Variants in CHD8 observed in about 807,000 individuals in gnomAD.
CHD8 encodes the protein chromodomain helicase DNA binding protein 8.
In CHD8, 31 loss-of-function variants were observed where a neutral mutation model predicts 279.2. The ratio of observed to expected loss-of-function variants is 0.11; its 90% CI spans 0.08 to 0.15. The LOEUF is 0.15. Ranked by LOEUF, CHD8 falls within the 10% of genes least tolerant of loss-of-function variation. The pLI is 1.00. For missense variants in CHD8, 2,146 were observed against 3,230.5 expected (o/e 0.66, Z 8.14); for synonymous variants, 1,081 against 1,139.6 (o/e 0.95, Z 1.04).
At chr14:21,407,103 T>G in intron 13 of CHD8, 71 bp from the exon 14 acceptor site, 5 of 1,308,100 alleles carry the variant, frequency 3.8e-6, no homozygotes, top group Non-Finnish European at 5.2e-6. Flanking sequence ...CTGAATTACT[T>G]GCCTATATTA....
intron 1 of CHD8, among the ~76,000 whole-genome samples, chr14:21,451,521 G>A (rs1442505839): frequency 1.5e-5 from 2 of 135,010 alleles, no homozygotes; most frequent in East Asian, 2.2e-4. Flanking sequence ...GTGCTGAGCC[G>A]AGATCGCTCC....
chr14:21,407,568 C>G (rs1189784472), intron 13 of CHD8, among the ~76,000 whole-genome samples: 1 of 151,984 alleles, frequency 6.6e-6, no homozygotes, highest in African/African-American at 2.4e-5. Flanking sequence ...ATGGATAATT[C>G]CAATTTTGTT....
intron 1 of CHD8, among the ~76,000 whole-genome samples, chr14:21,453,926 C>T (rs1454706544): frequency 6.6e-6 from 1 of 151,262 alleles, no homozygotes; most frequent in Non-Finnish European, 1.5e-5. Context: ...GAGGCCGAGG[C>T]GGGAGGATCA....
chr14:21,394,967 G>A lies in CHD8; in HGVS notation c.5335C>T (p.Arg1779Cys), dbSNP rs1367453709. 5 of 1,613,840 alleles carry A rather than the reference G, an allele frequency of 3.1e-6. No homozygotes were observed. The highest frequency in any genetic ancestry group is 4.2e-6 in the Non-Finnish European group (5 of 1,179,906). Residue 1779 changes from arginine to cysteine, a missense_variant, in exon 30 of 38, where the codon CGT (arginine) becomes TGT (cysteine). By Grantham distance (180) the Arg-to-Cys change is radical (BLOSUM62 -3). Around this residue, in one of 26 missense-constraint regions of CHD8, gnomAD observed 513 missense variants for 637.6 expected, o/e 0.80. Coordinates refer to ENST00000646647, the MANE Select transcript of CHD8 (RefSeq NM_001170629.2). ...AAERGDRRRR[R>C]CEAAFKLKEI... is the part of the protein sequence containing the mutation. ...TTCAGCTTGAAGGCTGCTTCACAACGCCGCCTTCGCCGGTCCCCACGTTCT... is the reference window on the plus strand; with the variant it reads ...TTCAGCTTGAAGGCTGCTTCACAACACCGCCTTCGCCGGTCCCCACGTTCT...
chr14:21,415,244 C>T, intron 7 of CHD8: 1 of 469,838 alleles, frequency 2.1e-6, no homozygotes, highest in Non-Finnish European at 3.7e-6. Context: ...GCTAACTTTC[C>T]TCCATCATCT....
Position 21,408,285 on chromosome 14 carries a change from A to T in CHD8, c.2730+27T>A. On this transcript the variant is annotated intron_variant, in intron 13 of 37. Transcript: ENST00000646647. This position sits in a 1 kb window ranked among gnomAD's most constrained non-coding sequence, Gnocchi z 4.3. The stretch of plus-strand genomic sequence containing the variant: ...TACCTTGGCCGACTTTCTCTAACTC[A>T]TAGTATTCCCAAGACATGCAACTCA... 3.1e-6 allele frequency: 5 copies of T among 1,603,030 alleles called. 1 individual carries two copies. The highest frequency in any genetic ancestry group is 4.3e-6 in the Non-Finnish European group (5 of 1,174,538).
At chr14:21,445,575 G>A (rs1361830874) in intron 1 of CHD8, among the ~76,000 whole-genome samples, 2 of 151,386 alleles carry the variant, frequency 1.3e-5, no homozygotes, top group Non-Finnish European at 2.9e-5. Context: ...TGTAATCCCA[G>A]CTACCTGGGA....
rs1052311029 is a variant in CHD8 at position 21,400,107 on chromosome 14, T to C, written c.4728-37A>G. The C allele has an allele frequency of 6.2e-7, 1 of 1,613,270 alleles. No homozygotes were observed. The highest frequency in any genetic ancestry group is 8.5e-7 in the Non-Finnish European group (1 of 1,179,426). ...AGAGGAAGAGCTGGCTCAGTAACAC[T>C]GTAGAAGTTTGAGGTGGAAAATGTC... is the stretch of plus-strand genomic sequence containing the variant. On this transcript the variant is annotated intron_variant, in intron 24 of 37. Transcript: ENST00000646647. This position sits in a 1 kb window ranked among gnomAD's most constrained non-coding sequence, Gnocchi z 4.2.
rs1296832502 is a variant in CHD8, at chr14:21,408,867, T to C, written c.2365-42A>G. 2 of 1,580,760 alleles carry C rather than the reference T, an allele frequency of 1.3e-6. No individual in the cohort carries two copies. The highest frequency in any genetic ancestry group is 4.5e-5 in the East Asian group (2 of 44,050). On this transcript the variant is annotated intron_variant, in intron 11 of 37. Coordinates refer to ENST00000646647, the MANE Select transcript of CHD8 (RefSeq NM_001170629.2). The surrounding 1 kb of genome is among the most constrained non-coding windows in gnomAD (Gnocchi z 4.3). ...TTGAATAAATGGAGTGGAGACATTA[T>C]CAAAAGGTAAGACTTACTAGGTAAG...
At chr14:21,443,182 G>C (rs1047690356) in intron 1 of CHD8, among the ~76,000 whole-genome samples, 2 of 152,046 alleles carry the variant, frequency 1.3e-5, no homozygotes, top group Admixed American at 6.6e-5. Context: ...ACCAGGTCAG[G>C]AGATTGAGAC....
chr14:21,406,973 A>G lies in CHD8; in HGVS notation c.2790T>C (p.Ile930=). 6.2e-7 allele frequency: 1 copy of G among 1,606,718 alleles called. No homozygotes were observed. Among genetic ancestry groups the G allele is most frequent in the African/African-American group, 1.3e-5 (1 of 74,960 alleles). The change falls in exon 14 of 38, where the codon ATT becomes ATC. Residue 930 remains isoleucine, a synonymous_variant. Coordinates refer to ENST00000646647, the MANE Select transcript of CHD8 (RefSeq NM_001170629.2). ...CACGAAGCTCAGGACAATCTGACAAAATCATCTCAAAAGTGGTGATCAGAG... is the reference window on the plus strand; with the variant it reads ...CACGAAGCTCAGGACAATCTGACAAGATCATCTCAAAAGTGGTGATCAGAG... ...FDALITTFEM[I]LSDCPELREI... is the part of the protein sequence containing the mutation.
chr14:21,395,375 T>C (rs370719550), intron 28 of CHD8, 23 bp from the exon 29 acceptor site: 26 of 1,569,500 alleles, frequency 1.7e-5, no homozygotes, highest in African/African-American at 5.4e-5. Context: ...ATCCACCCAA[T>C]AGGATGGAGC....
At chr14:21,392,271 T>C (rs1449729423) in intron 34 of CHD8, 2 of 753,914 alleles carry the variant, frequency 2.7e-6, no homozygotes, top group Non-Finnish European at 4.7e-6. Flanking sequence ...CTGCTATTCC[T>C]AAGCATACTA....
intron 5 of CHD8, among the ~76,000 whole-genome samples, chr14:21,417,322 G>A (rs1566434972): frequency 6.6e-6 from 1 of 152,148 alleles, no homozygotes. Flanking sequence ...AGCATTACTT[G>A]TGGGAGTAGG....
intron 1 of CHD8, among the ~76,000 whole-genome samples, chr14:21,448,378 TA>T (rs1168413409): frequency 6.6e-6 from 1 of 152,192 alleles, no homozygotes; most frequent in African/African-American, 2.4e-5. Flanking sequence ...TCAAAATAAC[TA>T]AGTTAAATAA....
At chr14:21,388,197 A>G (rs61973164) in intron 37 of CHD8, among the ~76,000 whole-genome samples, 7,367 of 152,320 alleles carry the variant, frequency 0.048, 294 homozygotes, top group African/African-American at 0.11. Context: ...AGTTTACTTT[A>G]AAATTAATTT....
At chr14:21,410,180 C>T (rs1888428088) in intron 10 of CHD8, among the ~76,000 whole-genome samples, 192 bp from the exon 11 acceptor site, 2 of 151,994 alleles carry the variant, frequency 1.3e-5, no homozygotes, top group Non-Finnish European at 2.9e-5. Flanking sequence ...TTCTTCAAAG[C>T]AATTTATCAG....
intron 34 of CHD8, chr14:21,392,224 C>T: frequency 1.3e-6 from 1 of 754,796 alleles, no homozygotes; most frequent in East Asian, 2.5e-5. Flanking sequence ...CCTGGTGTCT[C>T]CGTATTAGCA....
chr14:21,389,424 A>C (rs114147733), intron 37 of CHD8, among the ~76,000 whole-genome samples: 3,179 of 152,254 alleles, frequency 0.021, 113 homozygotes, highest in African/African-American at 0.073. Flanking sequence ...CAGTCTGGCC[A>C]ACATGGCAAA....
Sources: allele counts gnomAD v4.1 joint callset (sites outside exome capture counted in the v4.1 genomes callset), GRCh38; gene constraint gnomAD v4.1.1; regional missense constraint gnomAD v4.1.1; non-coding constraint Gnocchi (gnomAD v3.1); transcripts MANE v1.5; gene names NCBI Gene and HGNC (gene_info 2026-07-23, HGNC 2026-07-21).